The following MORN1 variants were observed in gnomAD, a reference collection of about 807,000 sequenced individuals.
MORN1 encodes the protein MORN repeat-containing protein 1.
In MORN1, 67 loss-of-function variants were observed where a neutral mutation model predicts 61.9. That is an observed-to-expected ratio of 1.08 (90% CI 0.89 to 1.33). The LOEUF is 1.33. Among genes scored for constraint, MORN1 ranks in the 40% most tolerant of loss-of-function variants. The probability of loss-of-function intolerance (pLI) is 0.00; values close to 1 mark genes in which losing one functional copy is unlikely to be tolerated. For missense variants in MORN1, 752 were observed against 691.2 expected, an observed-to-expected ratio of 1.09 and a Z score of -0.99; for synonymous variants, 301 against 292.0, an observed-to-expected ratio of 1.03 and a Z score of -0.31.
intron 6 of MORN1, among the ~76,000 whole-genome samples, chr1:2,384,372 C>G (rs1419589776): frequency 1.3e-5 from 2 of 152,274 alleles, no homozygotes; most frequent in Non-Finnish European, 2.9e-5. Flanking sequence ...GAGAACAATC[C>G]TAGTCCCTGC....
chr1:2,387,022 C>A (rs1318896251), intron 4 of MORN1: 1 of 206,048 alleles, frequency 4.9e-6, no homozygotes, highest in Non-Finnish European at 1.0e-5. Context: ...GACCCTCAGG[C>A]CTGGCAGAGT....
At chr1:2,352,828 G>C (rs1641680016) in intron 10 of MORN1, 1 of 152,394 alleles carries the variant, frequency 6.6e-6, no homozygotes, top group Non-Finnish European at 1.5e-5. Context: ...TCTCTGGCCT[G>C]ATGTCTGTGC....
chr1:2,385,802 C>A lies in MORN1; in HGVS notation c.449+5G>T, dbSNP rs1465234444. The A allele has an allele frequency of 6.2e-7, 1 of 1,613,066 alleles. No homozygotes were observed. The highest frequency in any genetic ancestry group is 8.5e-7 in the Non-Finnish European group (1 of 1,179,384). On this transcript the variant is annotated splice_donor_5th_base_variant and intron_variant, in intron 5 of 13. Coordinates refer to ENST00000378531, the MANE Select transcript of MORN1 (RefSeq NM_024848.3). The stretch of plus-strand genomic sequence containing the variant: ...CCAGGCAGTACCCACAAGACTCATA[C>A]TCACTGAAAGAGCATCTGCCCAGGG...
chr1:2,341,624 G>A (rs1641396302), intron 10 of MORN1, among the ~76,000 whole-genome samples: 1 of 151,394 alleles, frequency 6.6e-6, no homozygotes, highest in African/African-American at 2.4e-5. Flanking sequence ...ACGGGAGGCA[G>A]AGGTTACTGT....
At chr1:2,371,645 C>T (rs2100336140) in intron 8 of MORN1, 1 of 152,514 alleles carries the variant, frequency 6.6e-6, no homozygotes, top group South Asian at 2.1e-4. Flanking sequence ...GGCGCGGTGG[C>T]TCACGCCTGT....
chr1:2,384,911 C>A, intron 6 of MORN1, 67 bp downstream of exon 6: 3 of 1,382,572 alleles, frequency 2.2e-6, no homozygotes, highest in Non-Finnish European at 2.9e-6. Flanking sequence ...CCCCATACAC[C>A]CCACGCGCCC....
At chr1:2,338,415 C>T (rs893967974) in intron 10 of MORN1, among the ~76,000 whole-genome samples, 8 of 152,186 alleles carry the variant, frequency 5.3e-5, no homozygotes, top group Admixed American at 3.3e-4. Context: ...CATTTCTTAA[C>T]GCACCGATGG....
At position 2,322,929 on chromosome 1, in the gene MORN1, C is replaced by T. The variant is rs976735965; in HGVS notation, c.1297+1168G>A. On this transcript the variant is annotated intron_variant, in intron 13 of 13. Transcript: ENST00000378531. ...GGCCGGGCCTCGACGGCCACGTGAT[C>T]TAGCCCTGGGCCAGCTCTCACTTAG... The T allele has an allele frequency of 8.1e-6, 8 of 985,324 alleles. No homozygotes were observed. In the African/African-American group the frequency reaches 1.2e-4, roughly 15 times the overall value. The allele number at this position is 985,324 out of a possible 1,614,324, so 61.0% of individuals were successfully genotyped here.
intron 12 of MORN1, among the ~76,000 whole-genome samples, chr1:2,325,036 C>A (rs556966691): frequency 6.6e-6 from 1 of 151,256 alleles, no homozygotes; most frequent in African/African-American, 2.4e-5. Context: ...TCTGTGTGGA[C>A]ACCCACCCTC....
At position 2,336,792 on chromosome 1, in the gene MORN1, G is replaced by T. The variant is rs759485316; in HGVS notation, c.1095C>A (p.Ala365=). The part of the protein sequence containing the change: ...GACQRVEQGC[A]EFTDVLLGPP... ...GCCCCAGGAGGACATCTGTGAACTC[G>T]GCACAGCCCTGCTCCACTCGCTGAC... Residue 365 remains alanine, a synonymous_variant, in exon 11 of 14, where the codon GCC becomes GCA. Transcript: ENST00000378531. 3 of 1,605,594 alleles carry T rather than the reference G, an allele frequency of 1.9e-6. No homozygotes were observed. In the African/African-American group the frequency reaches 4.0e-5, roughly 21 times the overall value.
At chr1:2,346,848 C>T (rs1241451898) in intron 10 of MORN1, among the ~76,000 whole-genome samples, 1 of 152,168 alleles carries the variant, frequency 6.6e-6, no homozygotes, top group Non-Finnish European at 1.5e-5. Flanking sequence ...TGGGGTCTGC[C>T]CTGGGGAGCA....
At chr1:2,385,237 C>A (rs573845027) in intron 5 of MORN1, 172 bp from the exon 6 acceptor site, 4 of 650,018 alleles carry the variant, frequency 6.2e-6, no homozygotes, top group East Asian at 2.8e-5. Flanking sequence ...TGGGGGCCGA[C>A]GACAGGCGGT....
intron 10 of MORN1, among the ~76,000 whole-genome samples, chr1:2,343,432 C>T (rs1050295209): frequency 4.6e-5 from 7 of 152,210 alleles, no homozygotes; most frequent in Non-Finnish European, 1.5e-5. Context: ...AGGCGGGTGC[C>T]GTTCCAGCCA....
intron 8 of MORN1, among the ~76,000 whole-genome samples, chr1:2,367,764 A>C (rs1015350179): frequency 6.6e-6 from 1 of 151,666 alleles, no homozygotes; most frequent in Non-Finnish European, 1.5e-5. Flanking sequence ...AGTAGCTGGG[A>C]CTACAGGCAC....
intron 2 of MORN1, among the ~76,000 whole-genome samples, chr1:2,389,073 T>C (rs1642577943): frequency 1.4e-5 from 2 of 147,196 alleles, no homozygotes; most frequent in Admixed American, 6.8e-5. Flanking sequence ...GATGGCAGCA[T>C]TGCACTCCAG....
At chr1:2,385,198 C>A in intron 5 of MORN1, 133 bp from the exon 6 acceptor site, 1 of 885,480 alleles carries the variant, frequency 1.1e-6, no homozygotes, top group South Asian at 1.7e-5. Flanking sequence ...GCAGATGGCC[C>A]CAAGAGCTCC....
chr1:2,341,212 C>T (rs1038530195), intron 10 of MORN1, among the ~76,000 whole-genome samples: 1 of 152,214 alleles, frequency 6.6e-6, no homozygotes, highest in African/African-American at 2.4e-5. Context: ...GCACACTTCC[C>T]TGTCTTGTCC....
chr1:2,322,576 T>TG, intron 13 of MORN1: 1 of 982,936 alleles, frequency 1.0e-6, no homozygotes, highest in Non-Finnish European at 1.2e-6. Flanking sequence ...AACACGGTTC[T>TG]GGGGGGCCTC....
chr1:2,358,598 G>T lies in MORN1; in HGVS notation c.863C>A (p.Thr288Asn), dbSNP rs765753858. Residue 288 changes from threonine to asparagine, a missense_variant, in exon 9 of 14, where the codon ACC (threonine) becomes AAC (asparagine). Physicochemically the swap from Thr to Asn is moderately conservative, Grantham distance 65. Coordinates refer to ENST00000378531, the MANE Select transcript of MORN1 (RefSeq NM_024848.3). ...DRDNQETLIQTPFGFECIPYP... is the reference protein window; with the variant it reads ...DRDNQETLIQNPFGFECIPYP... Reference sequence around the variant, plus strand: ...TGGTGTCACACGTACTCACAATGGGGTCTGGATGAGTGTCTCTTGGTTGTC... The same window carrying T: ...TGGTGTCACACGTACTCACAATGGGTTCTGGATGAGTGTCTCTTGGTTGTC... The T allele has an allele frequency of 3.7e-6, 6 of 1,614,100 alleles. No individual in the cohort carries two copies. The South Asian group carries it at 6.6e-5, about 18-fold the overall frequency.
Sources: gnomAD v4.1 joint callset for allele counts (sites outside exome capture counted in the v4.1 genomes callset) on GRCh38, gnomAD v4.1.1 for gene constraint, MANE v1.5 for transcripts, NCBI Gene and HGNC (gene_info 2026-07-23, HGNC 2026-07-21) for gene names.